SLC38A2: variants seen among roughly 807,000 people sequenced by gnomAD.
SLC38A2 encodes sodium-coupled neutral amino acid symporter 2.
A neutral mutation model predicts 61.5 loss-of-function variants in SLC38A2; 11 were observed. The ratio of observed to expected loss-of-function variants is 0.18; its 90% CI spans 0.11 to 0.30. The LOEUF (loss-of-function observed/expected upper bound fraction) is 0.30, where lower values mean the gene tolerates loss of function less well. Among genes scored for constraint, SLC38A2 ranks in the 10% least tolerant of loss-of-function variants. SLC38A2 has a pLI of 1.00. For missense variants in SLC38A2, 522 were observed against 600.4 expected (o/e 0.87, Z 1.36); for synonymous variants, 217 against 212.5 (o/e 1.02, Z -0.18).
Position 46,363,928 on chromosome 12 carries a change from T to G in SLC38A2, c.949A>C (p.Lys317Gln). ...ATGTAAAAATGAAATACTCACTCTT[T>G]CAGTTCTTCATAGATGGGAAGAACA... ...PAVLPIYEEL[K>Q]DRSRRRMMNV... Residue 317 changes from lysine (K) to glutamine (Q), a missense_variant, in exon 11 of 16, where the codon AAA becomes CAA. Lys to Gln is a moderately conservative substitution (Grantham distance 53, BLOSUM62 1). This residue lies in a region of SLC38A2 where 309 missense variants were observed against 343.9 expected (regional missense o/e 0.90). Coordinates refer to ENST00000256689, the MANE Select transcript of SLC38A2 (RefSeq NM_018976.5). 1.2e-6 allele frequency: 2 copies of G among 1,611,342 alleles called. No individual in the cohort carries two copies. The highest frequency in any genetic ancestry group is 1.7e-6 in the Non-Finnish European group (2 of 1,178,600).
At chr12:46,364,861 GAT>G (rs1943123431) in intron 8 of SLC38A2, 159 bp from the exon 9 acceptor site, 1 of 693,030 alleles carries the variant, frequency 1.4e-6, no homozygotes, top group Non-Finnish European at 2.4e-6. Flanking sequence ...CTAAATTATA[GAT>G]TTATTTAAAT....
At chr12:46,361,416 T>C (rs1232584100) in intron 15 of SLC38A2, among the ~76,000 whole-genome samples, 2 of 152,198 alleles carry the variant, frequency 1.3e-5, no homozygotes, top group African/African-American at 4.8e-5. Flanking sequence ...CCTTCTGAAC[T>C]TTTTCACTTT....
chr12:46,368,051 C>T (rs1171378034), intron 4 of SLC38A2, among the ~76,000 whole-genome samples: 1 of 151,994 alleles, frequency 6.6e-6, no homozygotes, highest in Non-Finnish European at 1.5e-5. Context: ...GGGGGTATCA[C>T]TTGAGCCCAG....
At chr12:46,372,475 G>C (rs1275395737) in intron 1 of SLC38A2, 34 bp downstream of exon 1, 3 of 343,976 alleles carry the variant, frequency 8.7e-6, no homozygotes, top group Non-Finnish European at 1.6e-5. Flanking sequence ...CGGGCCCCGC[G>C]CCCTTCCCAC....
chr12:46,364,487 T>A lies in SLC38A2; in HGVS notation c.775A>T (p.Thr259Ser), dbSNP rs1440737132. The change falls in exon 10 of 16, where the codon ACC becomes TCC. Residue 259 changes from threonine to serine, a missense_variant. By Grantham distance (58) the Thr-to-Ser change is moderately conservative (BLOSUM62 1). This residue lies in a region of SLC38A2 where 309 missense variants were observed against 343.9 expected (regional missense o/e 0.90). Transcript: ENST00000256689. ...AGAGCTGTTGGCTGTGTTAAGGTGGTGTTTATTGTTTCGTTAATTATCAAA... is the reference window on the plus strand; with the variant it reads ...AGAGCTGTTGGCTGTGTTAAGGTGGAGTTTATTGTTTCGTTAATTATCAAA... The part of the protein sequence containing the change: ...AALIINETIN[T>S]TLTQPTALVP... The A allele has an allele frequency of 1.9e-6, 3 of 1,612,684 alleles. No individual in the cohort carries two copies. Among genetic ancestry groups the A allele is most frequent in the East Asian group, 2.2e-5 (1 of 44,858 alleles).
chr12:46,371,551 A>G, intron 1 of SLC38A2, 172 bp from the exon 2 acceptor site: 1 of 456,282 alleles, frequency 2.2e-6, no homozygotes, highest in Non-Finnish European at 3.9e-6. Context: ...CAGACGGCGG[A>G]GCCGCGGGGA....
intron 15 of SLC38A2, 71 bp downstream of exon 15, chr12:46,362,213 A>T: frequency 8.1e-7 from 1 of 1,229,530 alleles, no homozygotes; most frequent in Non-Finnish European, 1.1e-6. Context: ...CAGCTATGAG[A>T]ATAAAATTAA....
At position 46,365,163 on chromosome 12, in the gene SLC38A2, A is replaced by G. The variant is rs200490206; in HGVS notation, c.590T>C (p.Leu197Ser). Residue 197 changes from leucine to serine, a missense_variant, in exon 8 of 16, where the codon TTG (leucine) becomes TCG (serine). Leu to Ser is a moderately radical substitution (Grantham distance 145). Coordinates refer to ENST00000256689, the MANE Select transcript of SLC38A2 (RefSeq NM_018976.5). ...TGLWYLNGNY[L>S]VLLVSLVVIL... ...GACCACCAATGACACCAACAGAACCAAATAGTTCCCGTTCAGATACCACAA... is the reference window on the plus strand; with the variant it reads ...GACCACCAATGACACCAACAGAACCGAATAGTTCCCGTTCAGATACCACAA... 7.5e-5 allele frequency: 121 copies of G among 1,613,498 alleles called. No individual in the cohort carries two copies. Among genetic ancestry groups the G allele is most frequent in the Non-Finnish European group, 1.0e-5 (12 of 1,179,668 alleles).
chr12:46,371,350 G>C lies in SLC38A2; in HGVS notation c.-57C>G, dbSNP rs966023474. 7.0e-7 allele frequency: 1 copy of C among 1,427,626 alleles called. No homozygotes were observed. Among genetic ancestry groups the C allele is most frequent in the Admixed American group, 1.7e-5 (1 of 59,032 alleles). The allele number at this position is 1,427,626 out of a possible 1,614,324, so 88.4% of individuals were successfully genotyped here. On this transcript the variant is annotated 5_prime_UTR_variant, in exon 2 of 16. Coordinates refer to ENST00000256689, the MANE Select transcript of SLC38A2 (RefSeq NM_018976.5). ...GTAGCGCTGGGCTCCTTTTGTCCTTGGCGGTGGGTGCAGCGGCCCGCGAGT... is the reference window on the plus strand; with the variant it reads ...GTAGCGCTGGGCTCCTTTTGTCCTTCGCGGTGGGTGCAGCGGCCCGCGAGT...
chr12:46,363,646 CAT>C, intron 12 of SLC38A2, 78 bp downstream of exon 12: 1 of 809,034 alleles, frequency 1.2e-6, no homozygotes, highest in South Asian at 1.9e-5. Flanking sequence ...TGGAACTACA[CAT>C]AGAAAACTAG....
chr12:46,365,006 C>T (rs1280406663), intron 8 of SLC38A2, 101 bp downstream of exon 8: 41 of 1,142,526 alleles, frequency 3.6e-5, no homozygotes, highest in Non-Finnish European at 5.3e-5. Flanking sequence ...TACCTTTCTA[C>T]TTTCTAGGGC....
intron 9 of SLC38A2, 26 bp from the exon 10 acceptor site, chr12:46,364,582 T>TTAA: frequency 6.2e-7 from 1 of 1,600,722 alleles, no homozygotes; most frequent in Non-Finnish European, 8.5e-7. Context: ...TTTGCATGTG[T>TTAA]TAAACTAAGT....
At position 46,365,897 on chromosome 12, in the gene SLC38A2, A is replaced by C. The variant is rs773161856; in HGVS notation, c.564-708T>G. Among the ~76,000 whole-genome samples the C allele has an allele frequency of 5.3e-5, 8 of 152,092 alleles. No homozygotes were observed. The East Asian group carries it at 1.5e-3, about 29-fold the overall frequency. On this transcript the variant is annotated intron_variant, in intron 7 of 15. Transcript: ENST00000256689. ...AAATCATGAATTGCACTGTCTTCTA[A>C]ATCACTATTTTCAAATTCTAATTGC...
chr12:46,361,284 A>T (rs1006908455), intron 15 of SLC38A2, 75 bp from the exon 16 acceptor site: 132 of 1,178,606 alleles, frequency 1.1e-4, no homozygotes, highest in Middle Eastern at 1.9e-4. Flanking sequence ...ATTTTTTGAA[A>T]TGTGCTTTAA....
At chr12:46,368,896 A>G (rs1943166299) in intron 4 of SLC38A2, among the ~76,000 whole-genome samples, 1 of 152,208 alleles carries the variant, frequency 6.6e-6, no homozygotes, top group South Asian at 2.1e-4. Context: ...CTACTTAAAC[A>G]GGTTAGCTAC....
At chr12:46,363,290 T>C (rs763790383) in intron 12 of SLC38A2, 145 bp from the exon 13 acceptor site, 13 of 1,040,304 alleles carry the variant, frequency 1.2e-5, no homozygotes, top group Admixed American at 5.0e-5. Flanking sequence ...TTTGGAATTA[T>C]AGTTAATGCA....
intron 7 of SLC38A2, chr12:46,365,444 A>G (rs1943129826): frequency 7.3e-6 from 4 of 549,706 alleles, no homozygotes; most frequent in Non-Finnish European, 1.3e-5. Context: ...GAAGGCTGCC[A>G]GCTGATTCAT....
At chr12:46,365,581 T>C (rs1421248481) in intron 7 of SLC38A2, among the ~76,000 whole-genome samples, 1 of 152,204 alleles carries the variant, frequency 6.6e-6, no homozygotes, top group Non-Finnish European at 1.5e-5. Flanking sequence ...CTTTAGCATG[T>C]AATTTCTAAT....
intron 7 of SLC38A2, 150 bp from the exon 8 acceptor site, chr12:46,365,339 G>T: frequency 1.5e-6 from 1 of 684,612 alleles, no homozygotes; most frequent in South Asian, 1.7e-5. Flanking sequence ...TTCAAGATAG[G>T]AATAACTTTT....
Sources: gnomAD v4.1 joint callset for allele counts (sites outside exome capture counted in the v4.1 genomes callset) on GRCh38, gnomAD v4.1.1 for gene constraint, gnomAD v4.1.1 regional missense constraint, MANE v1.5 for transcripts, NCBI Gene and HGNC (gene_info 2026-07-23, HGNC 2026-07-21) for gene names.